PTPRD: variants seen among roughly 807,000 people sequenced by gnomAD.
PTPRD encodes protein tyrosine phosphatase receptor type D, also known as receptor-type tyrosine-protein phosphatase delta.
In PTPRD, 34 loss-of-function variants were observed where a neutral mutation model predicts 214.5. The ratio of observed to expected loss-of-function variants is 0.16; its 90% CI spans 0.12 to 0.21. The LOEUF (loss-of-function observed/expected upper bound fraction) is 0.21. Ranked by LOEUF, PTPRD falls within the 10% of genes least tolerant of loss-of-function variation. The pLI is 1.00. For missense variants in PTPRD, 2,545 were observed against 2,398.7 expected (o/e 1.06, Z -1.27); for synonymous variants, 1,128 against 845.7 (o/e 1.33, Z -5.79).
At chr9:9,396,246 G>A (rs986045563) in intron 9 of PTPRD, among the ~76,000 whole-genome samples, 28 of 151,910 alleles carry the variant, frequency 1.8e-4, no homozygotes, top group African/African-American at 6.8e-4. Context: ...AGTCCCTTGG[G>A]GAGCCGTCAA....
Position 9,818,915 on chromosome 9 carries a change from CA to C in PTPRD, c.-367-52065del, listed in dbSNP as rs58616042. Among the ~76,000 whole-genome samples, 432 of 89,274 alleles carry C rather than the reference CA, an allele frequency of 4.8e-3. 2 individuals carry two copies. Among genetic ancestry groups the C allele is most frequent in the East Asian group, 6.4e-3 (18 of 2,822 alleles). The allele number at this position is 89,274 out of a possible 152,430, so 58.6% of individuals were successfully genotyped here. A position where few individuals can be genotyped will look rare whatever the true frequency, so the allele number is the denominator to read the frequency against. ...TGGGCAACAGAGCAAGACACTGTCT[CA>C]AAAAAAAAAAAAAAAAAAAAAAGTT... On this transcript the variant is annotated intron_variant, in intron 5 of 45. Transcript: ENST00000381196.
At chr9:10,274,533 T>A (rs924753088) in intron 3 of PTPRD, among the ~76,000 whole-genome samples, 1 of 152,192 alleles carries the variant, frequency 6.6e-6, no homozygotes, top group African/African-American at 2.4e-5. Flanking sequence ...AAGACAAGTA[T>A]GGCTTTGGCC....
intron 11 of PTPRD, among the ~76,000 whole-genome samples, chr9:8,932,430 C>G (rs1310595407): frequency 6.6e-6 from 1 of 152,198 alleles, no homozygotes. Flanking sequence ...AGTAGTCATT[C>G]AGGAGCAGGT....
intron 11 of PTPRD, among the ~76,000 whole-genome samples, chr9:8,799,003 A>T (rs2096511085): frequency 6.6e-6 from 1 of 152,120 alleles, no homozygotes; most frequent in Non-Finnish European, 1.5e-5. Flanking sequence ...TAATACAAAG[A>T]TCCAATAAAG....
intron 39 of PTPRD, among the ~76,000 whole-genome samples, chr9:8,369,314 T>A (rs1355358743): frequency 6.6e-6 from 1 of 152,136 alleles, no homozygotes; most frequent in Non-Finnish European, 1.5e-5. Context: ...AAGGCCATTT[T>A]CATCACTATT....
intron 8 of PTPRD, among the ~76,000 whole-genome samples, chr9:9,416,469 C>A (rs1015345564): frequency 2.0e-5 from 3 of 152,166 alleles, no homozygotes; most frequent in Non-Finnish European, 2.9e-5. Flanking sequence ...AAATTGATAA[C>A]ACTGCCTTGT....
At chr9:8,990,862 C>G (rs898627705) in intron 11 of PTPRD, among the ~76,000 whole-genome samples, 3 of 152,030 alleles carry the variant, frequency 2.0e-5, no homozygotes, top group East Asian at 1.9e-4. Flanking sequence ...AGATTATACT[C>G]TTTTGGTCCA....
chr9:8,729,061 C>G (rs2098624976), intron 12 of PTPRD, among the ~76,000 whole-genome samples: 1 of 152,280 alleles, frequency 6.6e-6, no homozygotes, highest in Non-Finnish European at 1.5e-5. Flanking sequence ...TCACCAAGCT[C>G]ACCCCCTACC....
At chr9:9,783,971 T>C (rs991597665) in intron 5 of PTPRD, among the ~76,000 whole-genome samples, 1 of 151,980 alleles carries the variant, frequency 6.6e-6, no homozygotes. Flanking sequence ...TGATTTTAAA[T>C]AGTGGGGAAA....
chr9:10,295,823 A>C (rs1488725852), intron 3 of PTPRD, among the ~76,000 whole-genome samples: 1 of 152,100 alleles, frequency 6.6e-6, no homozygotes, highest in Non-Finnish European at 1.5e-5. Flanking sequence ...CTGGAGCAGA[A>C]GAGATGTGGC....
chr9:10,389,719 C>G (rs895018494), intron 2 of PTPRD, among the ~76,000 whole-genome samples: 10 of 151,858 alleles, frequency 6.6e-5, no homozygotes, highest in Admixed American at 5.9e-4. Context: ...TACCACTCAT[C>G]ATTGACTCCA....
chr9:8,983,117 C>T (rs1567393574), intron 11 of PTPRD, among the ~76,000 whole-genome samples: 2 of 151,810 alleles, frequency 1.3e-5, no homozygotes, highest in Non-Finnish European at 2.9e-5. Context: ...CTGTTTTCAT[C>T]ATGAGTTATT....
intron 10 of PTPRD, among the ~76,000 whole-genome samples, chr9:9,158,410 G>A: frequency 6.6e-6 from 1 of 151,948 alleles, no homozygotes; most frequent in East Asian, 1.9e-4. Flanking sequence ...GATCAGCCTG[G>A]CCAACATGCT....
At chr9:9,037,508 G>C (rs565005114) in intron 10 of PTPRD, among the ~76,000 whole-genome samples, 1 of 152,180 alleles carries the variant, frequency 6.6e-6, no homozygotes, top group Admixed American at 6.6e-5. Context: ...CTAGGACAGA[G>C]CACGATTACA....
chr9:9,250,534 T>C (rs539084187), intron 9 of PTPRD, among the ~76,000 whole-genome samples: 11 of 152,086 alleles, frequency 7.2e-5, no homozygotes, highest in African/African-American at 9.7e-5. Flanking sequence ...AAGGTTAACA[T>C]ATTATCAGGT....
chr9:9,662,008 A>G (rs940109911), intron 7 of PTPRD, among the ~76,000 whole-genome samples: 3 of 151,754 alleles, frequency 2.0e-5, no homozygotes, highest in Non-Finnish European at 1.5e-5. Context: ...CACCAAACAC[A>G]TGTATGATAT....
intron 3 of PTPRD, among the ~76,000 whole-genome samples, chr9:10,173,869 C>A (rs984568299): frequency 6.6e-6 from 1 of 151,478 alleles, no homozygotes. Flanking sequence ...ATAGTTAAAC[C>A]TTGAATGTTA....
intron 2 of PTPRD, among the ~76,000 whole-genome samples, chr9:10,593,943 A>C (rs1473001122): frequency 6.6e-6 from 1 of 151,996 alleles, no homozygotes; most frequent in Non-Finnish European, 1.5e-5. Flanking sequence ...ATGCCATTAC[A>C]GTTTTCTGCT....
At chr9:10,162,874 T>C (rs938891745) in intron 3 of PTPRD, among the ~76,000 whole-genome samples, 4 of 150,438 alleles carry the variant, frequency 2.7e-5, no homozygotes, top group Non-Finnish European at 6.0e-5. Flanking sequence ...ATGCATATTA[T>C]TATTCTTTTC....
Sources: gnomAD v4.1 joint callset for allele counts (sites outside exome capture counted in the v4.1 genomes callset) on GRCh38, gnomAD v4.1.1 for gene constraint, MANE v1.5 for transcripts, NCBI Gene and HGNC (gene_info 2026-07-23, HGNC 2026-07-21) for gene names.